The following NMNAT3 variants were observed in gnomAD, a reference collection of about 807,000 sequenced individuals.
NMNAT3 encodes nicotinamide nucleotide adenylyltransferase 3, also known as nicotinamide/nicotinic acid mononucleotide adenylyltransferase 3.
Under a neutral mutation model 24.8 loss-of-function variants are expected in NMNAT3, and 21 were observed. That is an observed-to-expected ratio of 0.85 (90% confidence interval 0.60 to 1.22). The LOEUF (loss-of-function observed/expected upper bound fraction) is 1.22. Among genes scored for constraint, NMNAT3 ranks in the 50% most tolerant of loss-of-function variants. The probability of loss-of-function intolerance (pLI) is 0.00; values close to 1 mark genes in which losing one functional copy is unlikely to be tolerated. For synonymous variants in NMNAT3, 136 were observed against 155.2 expected, an observed-to-expected ratio of 0.88 and a Z score of 0.92; for missense variants, 387 against 436.6, an observed-to-expected ratio of 0.89 and a Z score of 1.01.
In NMNAT3 at chr3:139,671,618, TCACACA is replaced by T. The variant is rs140979498; in HGVS notation, c.-141+6081_-141+6086del. 4.6e-5 allele frequency among the ~76,000 whole-genome samples: 7 copies of T among 150,670 alleles called. No individual in the cohort carries two copies. The South Asian group carries it at 1.1e-3, about 23-fold the overall frequency. ...CAGTGGTATCCTTTCTCTCTCTCTC[TCACACA>T]CACACACACACAAACATTAAGACAA... On this transcript the variant is annotated intron_variant, in intron 1 of 6. Transcript: ENST00000643695.
intron 1 of NMNAT3, among the ~76,000 whole-genome samples, chr3:139,640,712 T>G (rs1440554337): frequency 6.6e-6 from 1 of 152,164 alleles, no homozygotes; most frequent in Non-Finnish European, 1.5e-5. Context: ...ACCTGATACT[T>G]TCACTGGGTA....
intron 2 of NMNAT3, among the ~76,000 whole-genome samples, chr3:139,628,268 A>C (rs983731716): frequency 7.9e-5 from 12 of 152,196 alleles, no homozygotes; most frequent in African/African-American, 2.7e-4. Flanking sequence ...ATTTATACAA[A>C]ATGTTTTATA....
intron 3 of NMNAT3, among the ~76,000 whole-genome samples, chr3:139,614,042 C>G (rs140555134): frequency 0.054 from 8,190 of 151,806 alleles, 291 homozygotes; most frequent in Middle Eastern, 0.15. Context: ...ATGTAAATGA[C>G]GAGTTAATGG....
chr3:139,620,190 C>T (rs1284594065), intron 3 of NMNAT3, among the ~76,000 whole-genome samples: 1 of 142,084 alleles, frequency 7.0e-6, no homozygotes, highest in African/African-American at 2.6e-5. Context: ...CTGAAGCAAC[C>T]TTGTGGAGTC....
At chr3:139,575,851 C>T (rs1656074811) in intron 5 of NMNAT3, 3 of 1,235,820 alleles carry the variant, frequency 2.4e-6, no homozygotes, top group Non-Finnish European at 2.1e-6. Flanking sequence ...GGTGTAAAGC[C>T]AGCCACATCA....
chr3:139,592,416 C>A (rs1295953697), intron 3 of NMNAT3, among the ~76,000 whole-genome samples: 5 of 152,224 alleles, frequency 3.3e-5, no homozygotes, highest in Non-Finnish European at 1.5e-5. Context: ...TCCAGGAGAA[C>A]TTCCCCAATC....
chr3:139,623,016 C>G (rs895912886), intron 3 of NMNAT3, among the ~76,000 whole-genome samples: 2 of 150,980 alleles, frequency 1.3e-5, no homozygotes, highest in Admixed American at 1.3e-4. Flanking sequence ...TTAAACTACG[C>G]TAAATTTTTA....
chr3:139,611,537 A>T (rs1369789571), intron 3 of NMNAT3, among the ~76,000 whole-genome samples: 3 of 152,228 alleles, frequency 2.0e-5, no homozygotes, highest in Admixed American at 1.3e-4. Context: ...TTTCTGTGAC[A>T]CCATGGTCAC....
intron 1 of NMNAT3, among the ~76,000 whole-genome samples, chr3:139,666,731 C>T (rs921603835): frequency 1.3e-5 from 2 of 152,260 alleles, no homozygotes; most frequent in Admixed American, 1.3e-4. Context: ...CTTTACTGTA[C>T]CAGCCTCACC....
intron 1 of NMNAT3, among the ~76,000 whole-genome samples, chr3:139,658,900 C>G (rs151010215): frequency 6.6e-6 from 1 of 152,082 alleles, no homozygotes; most frequent in Non-Finnish European, 1.5e-5. Context: ...TTACCCTGAA[C>G]GTCCCCTTGT....
At chr3:139,563,426 G>C (rs1936716114) in intron 6 of NMNAT3, among the ~76,000 whole-genome samples, 1 of 152,164 alleles carries the variant, frequency 6.6e-6, no homozygotes, top group African/African-American at 2.4e-5. Context: ...CTTCCTACAG[G>C]TCAGAGAACA....
At chr3:139,579,457 A>C (rs953263812) in intron 4 of NMNAT3, among the ~76,000 whole-genome samples, 1 of 152,200 alleles carries the variant, frequency 6.6e-6, no homozygotes, top group Non-Finnish European at 1.5e-5. Flanking sequence ...TGAAAATTAT[A>C]TATAGTTTCT....
intron 3 of NMNAT3, among the ~76,000 whole-genome samples, chr3:139,615,889 T>C (rs778815813): frequency 5.3e-5 from 8 of 152,196 alleles, no homozygotes; most frequent in Non-Finnish European, 1.0e-4. Context: ...TTAGAAGGCA[T>C]GGCCACTCTC....
chr3:139,631,741 T>C (rs369691247), intron 2 of NMNAT3, among the ~76,000 whole-genome samples: 1 of 152,050 alleles, frequency 6.6e-6, no homozygotes, highest in African/African-American at 2.4e-5. Context: ...GCAAAAGCAG[T>C]CATGACCACC....
chr3:139,617,761 G>A (rs998465158), intron 3 of NMNAT3, among the ~76,000 whole-genome samples: 1 of 152,202 alleles, frequency 6.6e-6, no homozygotes, highest in African/African-American at 2.4e-5. Flanking sequence ...GAATTTAAAT[G>A]TAATTCAATC....
At chr3:139,620,373 A>G (rs1388855744) in intron 3 of NMNAT3, among the ~76,000 whole-genome samples, 1 of 152,110 alleles carries the variant, frequency 6.6e-6, no homozygotes, top group African/African-American at 2.4e-5. Context: ...TTTTGCACTT[A>G]CTGTAGATTA....
chr3:139,599,327 C>T, intron 3 of NMNAT3: 1 of 702,432 alleles, frequency 1.4e-6, no homozygotes, highest in Non-Finnish European at 2.6e-6. Flanking sequence ...GGGGCTTTTG[C>T]TGGGAGAAGC....
intron 1 of NMNAT3, among the ~76,000 whole-genome samples, chr3:139,663,217 C>A (rs983468442): frequency 3.9e-5 from 6 of 152,222 alleles, no homozygotes; most frequent in Admixed American, 2.0e-4. Flanking sequence ...CAGCAATGGG[C>A]AGTCCAGTTT....
intron 1 of NMNAT3, among the ~76,000 whole-genome samples, chr3:139,639,464 G>A (rs2056623110): frequency 6.6e-6 from 1 of 152,236 alleles, no homozygotes; most frequent in African/African-American, 2.4e-5. Context: ...AAGGCAGGCA[G>A]AGTTACTGTC....
Sources: gnomAD v4.1 joint callset for allele counts (sites outside exome capture counted in the v4.1 genomes callset) on GRCh38, gnomAD v4.1.1 for gene constraint, MANE v1.5 for transcripts, NCBI Gene and HGNC (gene_info 2026-07-23, HGNC 2026-07-21) for gene names.